Variants in GAREM1 observed in about 807,000 individuals in gnomAD.
GAREM1 encodes GRB2-associated and regulator of MAPK protein 1.
In GAREM1, 26 loss-of-function variants were observed where a neutral mutation model predicts 71.3. The observed-to-expected ratio is 0.36, with a 90% confidence interval of 0.27 to 0.51. GAREM1 has a LOEUF of 0.51. Among genes scored for constraint, GAREM1 ranks in the 20% least tolerant of loss-of-function variants. The pLI is 0.95. For missense variants in GAREM1, 1,026 were observed against 1,103.1 expected, an observed-to-expected ratio of 0.93 and a Z score of 0.99; for synonymous variants, 440 against 433.2, an observed-to-expected ratio of 1.02 and a Z score of -0.20.
At chr18:32,311,339 T>G (rs80012761) in intron 2 of GAREM1, among the ~76,000 whole-genome samples, 2,128 of 152,316 alleles carry the variant, frequency 0.014, 60 homozygotes, top group African/African-American at 0.049. Flanking sequence ...AAACTTTCAT[T>G]CATATTCTCA....
intron 2 of GAREM1, among the ~76,000 whole-genome samples, chr18:32,316,895 A>C (rs1450659023): frequency 6.6e-6 from 1 of 152,192 alleles, no homozygotes; most frequent in East Asian, 1.9e-4. Flanking sequence ...TGTTCTGTAA[A>C]TATTTTAGGT....
intron 5 of GAREM1, among the ~76,000 whole-genome samples, chr18:32,269,849 C>A (rs191435255): frequency 6.6e-6 from 1 of 152,166 alleles, no homozygotes; most frequent in Admixed American, 6.5e-5. Flanking sequence ...CATTTTAGGT[C>A]CTGGTCGAAG....
At position 32,266,689 on chromosome 18, in the gene GAREM1, G is replaced by C. The variant is rs1238206076; in HGVS notation, c.*1182C>G. ...GGTATTTTAAAAATACTCAACAGAT[G>C]TAGCATATATAATAATAAAGGCCGG... On this transcript the variant is annotated 3_prime_UTR_variant, in exon 6 of 6. Coordinates refer to ENST00000269209, the MANE Select transcript of GAREM1 (RefSeq NM_001242409.2). The C allele has an allele frequency of 6.6e-6, 1 of 152,166 alleles. No individual in the cohort carries two copies. The highest frequency in any genetic ancestry group is 1.5e-5 in the Non-Finnish European group (1 of 68,032). The allele number at this position is 152,166 out of a possible 1,614,324, so 9.4% of individuals were successfully genotyped here.
chr18:32,292,406 CTG>C (rs1237955848), intron 3 of GAREM1, among the ~76,000 whole-genome samples: 1 of 152,076 alleles, frequency 6.6e-6, no homozygotes, highest in African/African-American at 2.4e-5. Context: ...CAAAATCCAA[CTG>C]TTTTTTAAAT....
At chr18:32,310,045 A>T in intron 3 of GAREM1, 148 bp downstream of exon 3, 1 of 696,978 alleles carries the variant, frequency 1.4e-6, no homozygotes, top group Non-Finnish European at 2.3e-6. Flanking sequence ...GGTCAGCTAC[A>T]ATATATGTGG....
chr18:32,296,691 A>AT (rs1350918677), intron 3 of GAREM1, among the ~76,000 whole-genome samples: 2 of 136,584 alleles, frequency 1.5e-5, no homozygotes, highest in South Asian at 2.3e-4. Flanking sequence ...TATTATTATT[A>AT]TTTTTTTTCT....
intron 1 of GAREM1, among the ~76,000 whole-genome samples, chr18:32,447,219 A>G (rs2144285392): frequency 6.6e-6 from 1 of 152,282 alleles, no homozygotes; most frequent in South Asian, 2.1e-4. Context: ...CTATTCCTCC[A>G]TGTTTTGAGC....
rs1455578382 is a variant in GAREM1, at chr18:32,287,277, T to C, written c.1320A>G (p.Glu440=). Residue 440 remains glutamate, a synonymous_variant, in exon 4 of 6, where the codon GAA becomes GAG. Coordinates refer to ENST00000269209, the MANE Select transcript of GAREM1 (RefSeq NM_001242409.2). The surrounding 1 kb of genome is among the most constrained non-coding windows in gnomAD (Gnocchi z 5.9). The part of the protein sequence containing the change: ...GSDYLFPEAS[E]ESAGIPGKSE... ...ACTTTCCCGGGATGCCTGCTGATTC[T>C]TCACTAGCTTCTGGGAAAAGGTAGT... 2.5e-6 allele frequency: 4 copies of C among 1,614,112 alleles called. No individual in the cohort carries two copies. The Admixed American group carries it at 6.7e-5, about 27-fold the overall frequency.
At chr18:32,461,356 G>C (rs753159742) in intron 1 of GAREM1, among the ~76,000 whole-genome samples, 2 of 152,104 alleles carry the variant, frequency 1.3e-5, no homozygotes, top group African/African-American at 2.4e-5. Flanking sequence ...TGGGAGTAGG[G>C]GTACAGCAGG....
chr18:32,378,938 G>A (rs1240262131), intron 2 of GAREM1, among the ~76,000 whole-genome samples: 1 of 152,196 alleles, frequency 6.6e-6, no homozygotes, highest in Non-Finnish European at 1.5e-5. Context: ...TGAGCTCACT[G>A]CTTACGGGAG....
chr18:32,388,723 A>G (rs1271855512), intron 2 of GAREM1, among the ~76,000 whole-genome samples: 2 of 152,180 alleles, frequency 1.3e-5, no homozygotes, highest in Non-Finnish European at 1.5e-5. Context: ...TGTCTATATC[A>G]CGAAAGACAA....
At chr18:32,280,180 A>G (rs1345838013) in intron 4 of GAREM1, among the ~76,000 whole-genome samples, 1 of 152,234 alleles carries the variant, frequency 6.6e-6, no homozygotes, top group East Asian at 1.9e-4. Flanking sequence ...TACCTTTTCT[A>G]ATATTAATAT....
intron 2 of GAREM1, among the ~76,000 whole-genome samples, chr18:32,375,941 C>T (rs2048026542): frequency 6.6e-6 from 1 of 151,994 alleles, no homozygotes; most frequent in Admixed American, 6.6e-5. Context: ...AAGTGGATTT[C>T]TAGGCATCTT....
At position 32,267,928 on chromosome 18, in the gene GAREM1, G is replaced by C. The variant is rs2041397260; in HGVS notation, c.2574C>G (p.Ser858Arg). The change falls in exon 6 of 6, where the codon AGC becomes AGG. Residue 858 changes from serine (S) to arginine (R), a missense_variant. Physicochemically the swap from Ser to Arg is moderately radical, Grantham distance 110. Transcript: ENST00000269209. ...GCATTATCTTCTTCACCTGCAATTT[G>C]CTCAATTTGAAATCCTCTGAGAGGA... Reference protein sequence around the residue: ...EEILSEDFKLSKLQVKKIMQF... With the variant: ...EEILSEDFKLRKLQVKKIMQF... The C allele has an allele frequency of 6.2e-7, 1 of 1,613,808 alleles. No individual in the cohort carries two copies. Among genetic ancestry groups the C allele is most frequent in the Non-Finnish European group, 8.5e-7 (1 of 1,179,846 alleles).
At chr18:32,275,348 GGA>G (rs1379413569) in intron 4 of GAREM1, among the ~76,000 whole-genome samples, 2 of 152,216 alleles carry the variant, frequency 1.3e-5, no homozygotes, top group Non-Finnish European at 2.9e-5. Context: ...GGCAACACAA[GGA>G]GAGAGGGGCC....
intron 2 of GAREM1, among the ~76,000 whole-genome samples, chr18:32,338,164 C>G (rs893669632): frequency 1.3e-5 from 2 of 152,198 alleles, no homozygotes; most frequent in Non-Finnish European, 2.9e-5. Context: ...TTCCAAGTAG[C>G]TTGAAATACC....
chr18:32,450,444 G>A (rs1258393952), intron 1 of GAREM1, among the ~76,000 whole-genome samples: 2 of 152,106 alleles, frequency 1.3e-5, no homozygotes, highest in African/African-American at 2.4e-5. Context: ...CTGTTTAGGG[G>A]TTGCAACATG....
chr18:32,404,958 A>C (rs2144676260), intron 1 of GAREM1, among the ~76,000 whole-genome samples: 1 of 152,356 alleles, frequency 6.6e-6, no homozygotes, highest in East Asian at 1.9e-4. Flanking sequence ...TAAACAATGA[A>C]TAATTTAATA....
chr18:32,298,631 G>A (rs1257190783), intron 3 of GAREM1, among the ~76,000 whole-genome samples: 3 of 152,128 alleles, frequency 2.0e-5, no homozygotes, highest in Non-Finnish European at 2.9e-5. Flanking sequence ...AAACACTGAC[G>A]TAAAATTTTA....
Sources: allele counts gnomAD v4.1 joint callset (sites outside exome capture counted in the v4.1 genomes callset), GRCh38; gene constraint gnomAD v4.1.1; non-coding constraint Gnocchi (gnomAD v3.1); transcripts MANE v1.5; gene names NCBI Gene and HGNC (gene_info 2026-07-23, HGNC 2026-07-21).